Variants in LRRC4C observed in about 807,000 individuals in gnomAD.
LRRC4C encodes leucine-rich repeat-containing protein 4C.
A neutral mutation model predicts 33.6 loss-of-function variants in LRRC4C; 5 were observed. That is an observed-to-expected ratio of 0.15 (90% CI 0.08 to 0.31). The LOEUF is 0.31. Among genes scored for constraint, LRRC4C ranks in the 10% least tolerant of loss-of-function variants. The probability of loss-of-function intolerance (pLI) is 1.00; values close to 1 mark genes in which losing one functional copy is unlikely to be tolerated. For missense variants in LRRC4C, 560 were observed against 796.7 expected (o/e 0.70, Z 3.58); for synonymous variants, 329 against 302.0 (o/e 1.09, Z -0.93).
At chr11:40,409,924 T>C (rs1417423832) in intron 3 of LRRC4C, among the ~76,000 whole-genome samples, 2 of 152,118 alleles carry the variant, frequency 1.3e-5, no homozygotes, top group Non-Finnish European at 2.9e-5. Context: ...TTACAGTGAA[T>C]ATATATTTCA....
At chr11:40,610,302 T>G (rs1961074717) in intron 3 of LRRC4C, among the ~76,000 whole-genome samples, 1 of 150,346 alleles carries the variant, frequency 6.7e-6, no homozygotes, top group Non-Finnish European at 1.5e-5. Flanking sequence ...CTAAATAGAG[T>G]TGACAAAATT....
intron 5 of LRRC4C, among the ~76,000 whole-genome samples, chr11:40,226,296 T>G (rs1404117977): frequency 6.6e-6 from 1 of 152,208 alleles, no homozygotes; most frequent in Admixed American, 6.5e-5. Context: ...CGTTCACTAT[T>G]GGGTCTTTCC....
At chr11:40,449,179 T>C (rs7946970) in intron 3 of LRRC4C, among the ~76,000 whole-genome samples, 60,646 of 151,768 alleles carry the variant, frequency 0.4, 12,429 homozygotes, top group East Asian at 0.55. Context: ...AAAATTGTCT[T>C]CAATTCTGTA....
intron 3 of LRRC4C, among the ~76,000 whole-genome samples, chr11:40,436,391 C>T (rs1300122060): frequency 6.6e-6 from 1 of 152,092 alleles, no homozygotes. Context: ...ATAACTCCTG[C>T]CCCCAAAAAG....
intron 3 of LRRC4C, among the ~76,000 whole-genome samples, chr11:40,598,501 A>T (rs1959610037): frequency 1.3e-5 from 2 of 152,198 alleles, no homozygotes; most frequent in Non-Finnish European, 2.9e-5. Context: ...AAAACATGTT[A>T]GCTGTTAAAT....
intron 1 of LRRC4C, among the ~76,000 whole-genome samples, chr11:40,984,391 GAA>G (rs770291942): frequency 0.023 from 1,976 of 84,150 alleles, 55 homozygotes; most frequent in African/African-American, 0.071. Flanking sequence ...AAGAAAGAAA[GAA>G]AGAAAGAAAG....
intron 1 of LRRC4C, among the ~76,000 whole-genome samples, chr11:41,057,601 C>T (rs1858725357): frequency 1.3e-5 from 2 of 152,194 alleles, no homozygotes; most frequent in Non-Finnish European, 2.9e-5. Flanking sequence ...GCACTGCCTC[C>T]CCTCTGTGGC....
chr11:41,289,731 A>G (rs566806646), intron 1 of LRRC4C, among the ~76,000 whole-genome samples: 1 of 152,336 alleles, frequency 6.6e-6, no homozygotes, highest in African/African-American at 2.4e-5. Flanking sequence ...TAAGCCAACC[A>G]GTCTTGTTGT....
chr11:40,400,593 G>T (rs542794253), intron 3 of LRRC4C, among the ~76,000 whole-genome samples: 6 of 152,134 alleles, frequency 3.9e-5, no homozygotes, highest in African/African-American at 1.4e-4. Context: ...CCTCTAGCTA[G>T]CCCTCCATCT....
At chr11:41,034,635 A>AT (rs1856950154) in intron 1 of LRRC4C, among the ~76,000 whole-genome samples, 2 of 135,546 alleles carry the variant, frequency 1.5e-5, no homozygotes, top group African/African-American at 5.3e-5. Context: ...ATATATATAT[A>AT]TATGAGGTGA....
intron 1 of LRRC4C, among the ~76,000 whole-genome samples, chr11:41,285,527 A>G (rs1033476111): frequency 1.3e-5 from 2 of 152,182 alleles, no homozygotes; most frequent in African/African-American, 4.8e-5. Context: ...GGAGACACAT[A>G]TATTGAACAC....
At chr11:40,838,100 T>C (rs1046898690) in intron 2 of LRRC4C, among the ~76,000 whole-genome samples, 1 of 152,188 alleles carries the variant, frequency 6.6e-6, no homozygotes, top group African/African-American at 2.4e-5. Context: ...ACTCTACTGG[T>C]ATTTTTAATG....
chr11:40,355,868 A>G (rs961563562), intron 3 of LRRC4C, among the ~76,000 whole-genome samples: 1 of 152,144 alleles, frequency 6.6e-6, no homozygotes, highest in Non-Finnish European at 1.5e-5. Context: ...TTGGAGAGAC[A>G]ATCACTAGAA....
At chr11:40,316,896 T>C (rs988785621) in intron 4 of LRRC4C, among the ~76,000 whole-genome samples, 1 of 150,912 alleles carries the variant, frequency 6.6e-6, no homozygotes, top group East Asian at 2.0e-4. Flanking sequence ...TAGGGTTCTC[T>C]TAAGTTACCA....
chr11:40,877,899 T>C (rs996038195), intron 2 of LRRC4C, among the ~76,000 whole-genome samples: 1 of 151,948 alleles, frequency 6.6e-6, no homozygotes, highest in African/African-American at 2.4e-5. Flanking sequence ...AAAGCAGGCC[T>C]GGAGAATGTG....
chr11:40,976,894 A>C (rs1197498459), intron 1 of LRRC4C, among the ~76,000 whole-genome samples: 1 of 152,096 alleles, frequency 6.6e-6, no homozygotes. Flanking sequence ...ATTCAAGTAC[A>C]TTACATTAAT....
chr11:40,205,451 C>T (rs987135134), intron 5 of LRRC4C, among the ~76,000 whole-genome samples: 1 of 152,072 alleles, frequency 6.6e-6, no homozygotes, highest in Non-Finnish European at 1.5e-5. Flanking sequence ...ACTATATATT[C>T]AATTACGGGG....
At chr11:41,181,523 G>C (rs1482116817) in intron 1 of LRRC4C, among the ~76,000 whole-genome samples, 1 of 152,132 alleles carries the variant, frequency 6.6e-6, no homozygotes, top group Non-Finnish European at 1.5e-5. Flanking sequence ...AGCTCCTTTA[G>C]AAAAGTATTG....
At chr11:41,417,593 A>T (rs1009645920) in intron 1 of LRRC4C, among the ~76,000 whole-genome samples, 1 of 152,008 alleles carries the variant, frequency 6.6e-6, no homozygotes, top group African/African-American at 2.4e-5. Flanking sequence ...TCAGCAAATT[A>T]GCACAGGCCC....
Sources: gnomAD v4.1 joint callset for allele counts (sites outside exome capture counted in the v4.1 genomes callset) on GRCh38, gnomAD v4.1.1 for gene constraint, MANE v1.5 for transcripts, NCBI Gene and HGNC (gene_info 2026-07-23, HGNC 2026-07-21) for gene names.